NSMCE2: variants seen among roughly 807,000 people sequenced by gnomAD.
The protein encoded by NSMCE2 is NSE2 SUMO ligase component of SMC5/6 complex, also known as E3 SUMO-protein ligase NSE2.
NSMCE2 carries 24 observed loss-of-function variants against 23.8 expected under a neutral mutation model. The observed-to-expected ratio is 1.01, with a 90% CI of 0.73 to 1.42. The LOEUF (loss-of-function observed/expected upper bound fraction) is 1.42, where lower values mean the gene tolerates loss of function less well. NSMCE2 is among the 40% of genes most tolerant of loss of function. The pLI, the probability that NSMCE2 is intolerant of heterozygous loss-of-function variation, is 0.00. For missense variants in NSMCE2, 284 were observed against 296.5 expected (o/e 0.96, Z 0.31); for synonymous variants, 92 against 94.1 (o/e 0.98, Z 0.13).
intron 3 of NSMCE2, among the ~76,000 whole-genome samples, chr8:125,124,470 T>TTC (rs376240525): frequency 0.022 from 3,175 of 146,282 alleles, 44 homozygotes; most frequent in Non-Finnish European, 0.028. Context: ...TCCTCAGGAT[T>TTC]TCTCTCTCTC....
intron 5 of NSMCE2, among the ~76,000 whole-genome samples, chr8:125,285,710 G>C (rs1001648073): frequency 6.6e-6 from 1 of 151,876 alleles, no homozygotes; most frequent in Non-Finnish European, 1.5e-5. Flanking sequence ...ATAATAGCTA[G>C]CATTTATTGA....
At chr8:125,272,303 C>T (rs1164683765) in intron 5 of NSMCE2, among the ~76,000 whole-genome samples, 3 of 152,092 alleles carry the variant, frequency 2.0e-5, no homozygotes, top group African/African-American at 7.2e-5. Context: ...CTTGAGCCAC[C>T]GCGCCCGGCA....
At chr8:125,314,277 GT>G (rs1344228322) in intron 5 of NSMCE2, among the ~76,000 whole-genome samples, 1 of 151,726 alleles carries the variant, frequency 6.6e-6, no homozygotes, top group Admixed American at 6.6e-5. Flanking sequence ...TTTTGTTTTT[GT>G]TTTGTTTTGT....
chr8:125,233,864 C>T (rs1411781177), intron 5 of NSMCE2, among the ~76,000 whole-genome samples: 1 of 151,914 alleles, frequency 6.6e-6, no homozygotes, highest in African/African-American at 2.4e-5. Flanking sequence ...ATGAATAGAT[C>T]CCTATTGATT....
intron 4 of NSMCE2, among the ~76,000 whole-genome samples, chr8:125,156,450 A>C (rs1431703681): frequency 6.6e-6 from 1 of 152,182 alleles, no homozygotes; most frequent in African/African-American, 2.4e-5. Context: ...ATATTGGATT[A>C]CAGCTACATA....
At chr8:125,360,219 C>T (rs1368259532) in intron 7 of NSMCE2, among the ~76,000 whole-genome samples, 2 of 152,118 alleles carry the variant, frequency 1.3e-5, no homozygotes, top group Non-Finnish European at 2.9e-5. Flanking sequence ...ATGCAAGGTC[C>T]CAGCAATACA....
At chr8:125,331,295 G>A (rs1360193454) in intron 5 of NSMCE2, among the ~76,000 whole-genome samples, 8 of 152,020 alleles carry the variant, frequency 5.3e-5, no homozygotes, top group Non-Finnish European at 7.4e-5. Flanking sequence ...GCGAGACTCC[G>A]TCTCAAAAAA....
At chr8:125,267,087 C>G (rs563214685) in intron 5 of NSMCE2, among the ~76,000 whole-genome samples, 1 of 147,724 alleles carries the variant, frequency 6.8e-6, no homozygotes, top group East Asian at 2.0e-4. Context: ...CTACTGCAAC[C>G]TGTACCTCCT....
At chr8:125,272,014 C>CTTTTTTTTTTTTTTT (rs563967898) in intron 5 of NSMCE2, among the ~76,000 whole-genome samples, 1 of 130,184 alleles carries the variant, frequency 7.7e-6, no homozygotes, top group Non-Finnish European at 1.6e-5. Context: ...CAGTTTCTTT[C>CTTTTTTTTTTTTTTT]TTTTTTTTTT....
intron 5 of NSMCE2, among the ~76,000 whole-genome samples, chr8:125,324,572 CTTTTTTTT>C (rs1189623667): frequency 1.7e-5 from 1 of 59,318 alleles, no homozygotes; most frequent in Non-Finnish European, 3.4e-5. Flanking sequence ...TGATAAAATT[CTTTTTTTT>C]TTTTTTTTTT....
chr8:125,176,652 C>T (rs1405630696), intron 4 of NSMCE2, among the ~76,000 whole-genome samples: 2 of 152,186 alleles, frequency 1.3e-5, no homozygotes, highest in Non-Finnish European at 2.9e-5. Flanking sequence ...CTAACAGCTA[C>T]TCATTATTGA....
chr8:125,216,043 C>CT (rs1391131711), intron 5 of NSMCE2, among the ~76,000 whole-genome samples: 1 of 152,066 alleles, frequency 6.6e-6, no homozygotes, highest in Admixed American at 6.5e-5. Flanking sequence ...TAGAGCAAGA[C>CT]TATATCTGTC....
At chr8:125,233,893 C>G (rs1414543037) in intron 5 of NSMCE2, among the ~76,000 whole-genome samples, 2 of 151,670 alleles carry the variant, frequency 1.3e-5, no homozygotes, top group Non-Finnish European at 2.9e-5. Flanking sequence ...AGAAAAATCT[C>G]TGACCGGGCA....
chr8:125,096,222 G>A (rs1226954311), intron 1 of NSMCE2, among the ~76,000 whole-genome samples: 1 of 152,170 alleles, frequency 6.6e-6, no homozygotes, highest in Non-Finnish European at 1.5e-5. Flanking sequence ...ACATTTCATT[G>A]CCTTGGGTAC....
At chr8:125,145,970 A>G (rs1369776260) in intron 3 of NSMCE2, among the ~76,000 whole-genome samples, 1 of 152,216 alleles carries the variant, frequency 6.6e-6, no homozygotes, top group Non-Finnish European at 1.5e-5. Context: ...GTGAAAGGTC[A>G]CTTTTCACCA....
At chr8:125,320,036 C>T (rs568979839) in intron 5 of NSMCE2, among the ~76,000 whole-genome samples, 4 of 151,846 alleles carry the variant, frequency 2.6e-5, no homozygotes, top group East Asian at 1.9e-4. Context: ...ATTAGCTGGA[C>T]GTGGTGGCAT....
intron 4 of NSMCE2, among the ~76,000 whole-genome samples, chr8:125,158,533 G>A (rs904113737): frequency 5.9e-5 from 9 of 152,114 alleles, no homozygotes; most frequent in Non-Finnish European, 8.8e-5. Flanking sequence ...GTACTGAGGC[G>A]CCCAGTGTGA....
At chr8:125,250,566 C>G (rs1017527883) in intron 5 of NSMCE2, among the ~76,000 whole-genome samples, 2 of 152,158 alleles carry the variant, frequency 1.3e-5, no homozygotes. Flanking sequence ...TCAGATTTGT[C>G]TTAAATTTTT....
intron 5 of NSMCE2, among the ~76,000 whole-genome samples, chr8:125,299,804 C>CTT (rs58789139): frequency 0.017 from 1,176 of 70,248 alleles, 253 homozygotes; most frequent in African/African-American, 0.043. Flanking sequence ...TTTTGGCTTT[C>CTT]TTTTTTTTTT....
Sources: allele counts gnomAD v4.1 joint callset (sites outside exome capture counted in the v4.1 genomes callset), GRCh38; gene constraint gnomAD v4.1.1; transcripts MANE v1.5; gene names NCBI Gene and HGNC (gene_info 2026-07-23, HGNC 2026-07-21).